ZNF254: variants seen among roughly 807,000 people sequenced by gnomAD.
The protein encoded by ZNF254 is zinc finger protein 254, also known as CTD-2017D11.1.
ZNF254 carries 10 observed loss-of-function variants against 12.4 expected under a neutral mutation model. The ratio of observed to expected loss-of-function variants is 0.80; its 90% CI spans 0.50 to 1.36. The LOEUF is 1.36. ZNF254 is among the 40% of genes most tolerant of loss of function. The pLI, the probability that ZNF254 is intolerant of heterozygous loss-of-function variation, is 0.00. For missense variants in ZNF254, 996 were observed against 763.9 expected, an observed-to-expected ratio of 1.30 and a Z score of -3.58; for synonymous variants, 305 against 253.4, an observed-to-expected ratio of 1.20 and a Z score of -1.93.
At chr19:24,051,389 A>G (rs1187521126) in intron 2 of ZNF254, among the ~76,000 whole-genome samples, 1 of 151,816 alleles carries the variant, frequency 6.6e-6, no homozygotes, top group Non-Finnish European at 1.5e-5. Context: ...CGAATTCCTG[A>G]CCTCAAGTGA....
At position 24,126,789 on chromosome 19, in the gene ZNF254, G is replaced by C; in HGVS notation, c.789G>C (p.Glu263Asp). ...CACATGAAATAATTCATGCTGGAGA[G>C]AAACTCTACAAATGTGAAGAATGTG... ...LTTHEIIHAG[E>D]KLYKCEECGE... is the part of the protein sequence containing the mutation. The change falls in exon 4 of 4, where the codon GAG becomes GAC. Residue 263 changes from glutamate to aspartate, a missense_variant. Coordinates refer to ENST00000357002, the MANE Select transcript of ZNF254 (RefSeq NM_203282.4). 6.2e-7 allele frequency: 1 copy of C among 1,613,262 alleles called. No individual in the cohort carries two copies. The highest frequency in any genetic ancestry group is 8.5e-7 in the Non-Finnish European group (1 of 1,179,714).
At chr19:24,123,531 G>A (rs982488856) in intron 3 of ZNF254, among the ~76,000 whole-genome samples, 1 of 151,664 alleles carries the variant, frequency 6.6e-6, no homozygotes, top group Admixed American at 6.6e-5. Flanking sequence ...GTATTGCTTT[G>A]TATGTGTTTC....
chr19:24,085,426 A>ATATATATATATATATAT (rs369443689), upstream of ZNF254, among the ~76,000 whole-genome samples: 19 of 105,644 alleles, frequency 1.8e-4, 1 homozygote, highest in South Asian at 6.1e-4. Flanking sequence ...ATATATATAT[A>ATATATATATATATATAT]AAAACTAAGA....
intron 1 of ZNF254, among the ~76,000 whole-genome samples, chr19:24,090,190 T>TC (rs759525372): frequency 1.3e-5 from 2 of 151,954 alleles, no homozygotes; most frequent in Non-Finnish European, 2.9e-5. Flanking sequence ...AGAGTGAGAC[T>TC]CCATTTCAAA....
intron 2 of ZNF254, among the ~76,000 whole-genome samples, chr19:24,050,157 A>G (rs1454309190): frequency 2.0e-5 from 3 of 151,680 alleles, no homozygotes; most frequent in Non-Finnish European, 4.4e-5. Context: ...ATTATATTTT[A>G]TTTATTTTAA....
intron 1 of ZNF254, among the ~76,000 whole-genome samples, chr19:24,103,533 CT>C (rs1005365544): frequency 5.3e-5 from 8 of 152,144 alleles, no homozygotes; most frequent in African/African-American, 1.9e-4. Context: ...AGTTTCTGTT[CT>C]GGGTGAAAGC....
At chr19:24,056,233 T>C (rs938976716) in intron 2 of ZNF254, among the ~76,000 whole-genome samples, 1 of 152,166 alleles carries the variant, frequency 6.6e-6, no homozygotes, top group African/African-American at 2.4e-5. Context: ...CTCCTGCCTG[T>C]TCCCCGACCA....
intron 3 of ZNF254, among the ~76,000 whole-genome samples, chr19:24,115,353 T>C (rs1418470761): frequency 1.3e-5 from 2 of 152,142 alleles, no homozygotes; most frequent in African/African-American, 4.8e-5. Flanking sequence ...CCATCAATAA[T>C]GATGAGTTCA....
chr19:24,078,009 G>A (rs1374312689), intron 2 of ZNF254, among the ~76,000 whole-genome samples: 2 of 152,224 alleles, frequency 1.3e-5, no homozygotes, highest in Non-Finnish European at 2.9e-5. Flanking sequence ...AGATGAGACT[G>A]TGGAACTTCA....
intron 2 of ZNF254, among the ~76,000 whole-genome samples, chr19:24,073,536 T>C (rs1416409427): frequency 6.6e-6 from 1 of 152,148 alleles, no homozygotes; most frequent in East Asian, 1.9e-4. Flanking sequence ...TTGTGACACA[T>C]GCACACCCAG....
chr19:24,127,745 C>T lies in ZNF254; in HGVS notation c.1745C>T (p.Ser582Phe). 1 of 1,612,712 alleles carries T rather than the reference C, an allele frequency of 6.2e-7. No individual in the cohort carries two copies. The highest frequency in any genetic ancestry group is 8.5e-7 in the Non-Finnish European group (1 of 1,179,498). The change falls in exon 4 of 4, where the codon TCT becomes TTT. Residue 582 changes from serine (S) to phenylalanine (F), a missense_variant. Coordinates refer to ENST00000357002, the MANE Select transcript of ZNF254 (RefSeq NM_203282.4). ...KPYKCEECGK[S>F]FNRSSTFTKH... The stretch of plus-strand genomic sequence containing the variant: ...TATAAATGTGAAGAATGTGGCAAAT[C>T]TTTTAACCGGTCTTCAACTTTTACT...
chr19:24,090,483 C>T (rs1201979040), intron 1 of ZNF254, among the ~76,000 whole-genome samples: 2 of 152,178 alleles, frequency 1.3e-5, no homozygotes, highest in East Asian at 3.9e-4. Context: ...GTCACCCAGG[C>T]TGGAGCGCAG....
At position 24,075,438 on chromosome 19, in the gene ZNF254, T is replaced by A. The variant is rs557913081; in HGVS notation, c.-94+29159T>A. Among the ~76,000 whole-genome samples the A allele has an allele frequency of 3.9e-5, 6 of 152,186 alleles. No individual in the cohort carries two copies. The South Asian group carries it at 1.0e-3, about 26-fold the overall frequency. ...AAAAGAAATAAATTTTACAGCTGGG[T>A]CTCCGGGGTGACATCACATGTCAGC... is the stretch of plus-strand genomic sequence containing the variant. On this transcript the variant is annotated intron_variant, in intron 2 of 4. Coordinates refer to the ZNF254 transcript ENST00000613065.
intron 3 of ZNF254, among the ~76,000 whole-genome samples, chr19:24,112,532 A>T (rs532762851): frequency 1.5e-3 from 227 of 150,384 alleles, no homozygotes; most frequent in African/African-American, 5.3e-3. Context: ...TCTATAAATT[A>T]CCTTGGGCAG....
chr19:24,085,428 A>ATATATATATATATATATATATATATGT (rs1555759142), upstream of ZNF254, among the ~76,000 whole-genome samples: 1 of 137,890 alleles, frequency 7.3e-6, no homozygotes, highest in Non-Finnish European at 1.6e-5. Context: ...ATATATATAA[A>ATATATATATATATATATATATATATGT]AACTAAGATT....
intron 1 of ZNF254, among the ~76,000 whole-genome samples, chr19:24,038,749 G>T (rs1277968846): frequency 2.6e-5 from 4 of 152,138 alleles, no homozygotes; most frequent in Admixed American, 2.6e-4. Context: ...GCCTTTCTTC[G>T]TATTTGGGAT....
At chr19:24,084,932 CTT>C (rs150066308), upstream of ZNF254, among the ~76,000 whole-genome samples, 16 of 119,638 alleles carry the variant, frequency 1.3e-4, no homozygotes, top group Admixed American at 6.2e-4. Context: ...TGACCACAAT[CTT>C]TTTTTTTTTT....
chr19:24,061,028 T>C (rs1971045882), intron 2 of ZNF254, among the ~76,000 whole-genome samples: 1 of 152,186 alleles, frequency 6.6e-6, no homozygotes, highest in Admixed American at 6.5e-5. Context: ...GTAATGTGAT[T>C]CTTCTCCACT....
rs868009184 is a variant in ZNF254, at chr19:24,089,972, C to T, written c.30+2635C>T. On this transcript the variant is annotated intron_variant, in intron 1 of 3. Coordinates refer to ENST00000357002, the MANE Select transcript of ZNF254 (RefSeq NM_203282.4). ...TTGGGAGGCCAAGGAGGGTGGATCACGAAGTCAGGAGTTCGAGACCAGCTG... is the reference window on the plus strand; with the variant it reads ...TTGGGAGGCCAAGGAGGGTGGATCATGAAGTCAGGAGTTCGAGACCAGCTG... Among the ~76,000 whole-genome samples the T allele has an allele frequency of 6.0e-5, 9 of 149,600 alleles. 1 individual carries two copies. The highest frequency in any genetic ancestry group is 4.0e-4 in the East Asian group (2 of 5,046).
Sources: allele counts gnomAD v4.1 joint callset (sites outside exome capture counted in the v4.1 genomes callset), GRCh38; gene constraint gnomAD v4.1.1; transcripts MANE v1.5; gene names NCBI Gene and HGNC (gene_info 2026-07-23, HGNC 2026-07-21).